The following TBC1D5 variants were observed in gnomAD, a reference collection of about 807,000 sequenced individuals.
TBC1D5 encodes the protein TBC1 domain family member 5.
In TBC1D5, 75 loss-of-function variants were observed where a neutral mutation model predicts 100.3. The observed-to-expected ratio is 0.75, with a 90% CI of 0.62 to 0.91. TBC1D5 has a LOEUF of 0.91. Among genes scored for constraint, TBC1D5 ranks in the 40% least tolerant of loss-of-function variants. The pLI is 0.00. For missense variants in TBC1D5, 910 were observed against 942.4 expected, an observed-to-expected ratio of 0.97 and a Z score of 0.45; for synonymous variants, 323 against 325.6, an observed-to-expected ratio of 0.99 and a Z score of 0.09.
intron 1 of TBC1D5, chr3:17,662,994 C>T (rs116045343): frequency 2.6e-5 from 4 of 152,068 alleles, no homozygotes; most frequent in African/African-American, 9.7e-5. Flanking sequence ...CTGTACCAGA[C>T]CAGTATCTTC....
chr3:17,531,826 AAATT>A (rs1256510270), intron 2 of TBC1D5, among the ~76,000 whole-genome samples: 1 of 152,230 alleles, frequency 6.6e-6, no homozygotes, highest in African/African-American at 2.4e-5. Flanking sequence ...CTTTATACAA[AAATT>A]AATTCAAGAT....
chr3:17,158,648 G>A (rs1430862399), exon 22 of TBC1D5: 1 of 152,216 alleles, frequency 6.6e-6, no homozygotes, highest in Non-Finnish European at 1.5e-5. Context: ...AGGACCGAGA[G>A]GACCTGCCTC....
intron 1 of TBC1D5, among the ~76,000 whole-genome samples, chr3:17,695,406 A>T (rs1204418994): frequency 6.6e-6 from 1 of 152,210 alleles, no homozygotes; most frequent in Non-Finnish European, 1.5e-5. Flanking sequence ...AGGAAGATCT[A>T]CCAAGCAAAT....
chr3:17,258,429 G>T (rs2077941071), intron 16 of TBC1D5, 77 bp downstream of exon 16: 2 of 1,371,908 alleles, frequency 1.5e-6, no homozygotes, highest in African/African-American at 1.5e-5. Context: ...ATTGTTTTCA[G>T]CAATATGTAA....
At chr3:17,640,474 A>G (rs2064387850) in intron 1 of TBC1D5, among the ~76,000 whole-genome samples, 2 of 152,132 alleles carry the variant, frequency 1.3e-5, no homozygotes, top group African/African-American at 2.4e-5. Flanking sequence ...TCCTCTTAAA[A>G]GAAGAATTAT....
chr3:17,663,277 C>T lies in TBC1D5; in HGVS notation c.-100-39364G>A, dbSNP rs1260115345. On this transcript the variant is annotated intron_variant, in intron 1 of 21. Transcript: ENST00000253692. ...TTTGATTACATAAAAATTTATATGA[C>T]CCAAAAATAAAACAAATCCAAACAA... 2.9e-5 allele frequency among the ~76,000 whole-genome samples: 3 copies of T among 103,570 alleles called. No individual in the cohort carries two copies. The East Asian group carries it at 1.5e-3, about 50-fold the overall frequency. The allele number at this position is 103,570 out of a possible 152,430, so 67.9% of individuals were successfully genotyped here.
At chr3:17,197,854 T>C (rs1357173089) in intron 18 of TBC1D5, among the ~76,000 whole-genome samples, 1 of 152,058 alleles carries the variant, frequency 6.6e-6, no homozygotes, top group Non-Finnish European at 1.5e-5. Context: ...CTGGGCAACA[T>C]GGTGAAACCC....
chr3:17,632,075 T>C lies in TBC1D5; in HGVS notation c.-100-8162A>G, dbSNP rs560882116. On this transcript the variant is annotated intron_variant, in intron 1 of 21. Coordinates refer to ENST00000253692, the Ensembl canonical transcript of TBC1D5. The stretch of plus-strand genomic sequence containing the variant: ...GTCAATTGAAACCTTCTGGAAAGGA[T>C]TCATCATTCTAAATCCCACAAAAAA... Among the ~76,000 whole-genome samples the C allele has an allele frequency of 2.0e-5, 3 of 152,344 alleles. No individual in the cohort carries two copies. The South Asian group carries it at 6.2e-4, about 32-fold the overall frequency.
intron 8 of TBC1D5, among the ~76,000 whole-genome samples, chr3:17,385,783 C>A (rs2093129043): frequency 6.6e-6 from 1 of 151,802 alleles, no homozygotes; most frequent in African/African-American, 2.4e-5. Context: ...GGTCGCTTCA[C>A]ATATTTGCAT....
At chr3:17,175,708 C>A (rs552295563) in intron 19 of TBC1D5, among the ~76,000 whole-genome samples, 102 of 152,330 alleles carry the variant, frequency 6.7e-4, no homozygotes, top group African/African-American at 2.5e-3. Flanking sequence ...CTTAAAATTA[C>A]ATCATTTAGT....
intron 17 of TBC1D5, among the ~76,000 whole-genome samples, chr3:17,223,303 A>G (rs1170908900): frequency 6.6e-6 from 1 of 152,178 alleles, no homozygotes; most frequent in African/African-American, 2.4e-5. Context: ...CCATCTCTAC[A>G]TACATATTTC....
intron 8 of TBC1D5, among the ~76,000 whole-genome samples, chr3:17,384,364 T>C (rs1383838036): frequency 2.0e-5 from 3 of 152,214 alleles, no homozygotes; most frequent in African/African-American, 7.2e-5. Flanking sequence ...AAGAATGTGA[T>C]TTTGTAAAAG....
chr3:17,339,667 T>A (rs1052427238), intron 13 of TBC1D5, among the ~76,000 whole-genome samples: 1 of 152,256 alleles, frequency 6.6e-6, no homozygotes, highest in Non-Finnish European at 1.5e-5. Context: ...AAAGGATATA[T>A]GTGTACATAT....
At chr3:17,386,237 A>G (rs2093148829) in intron 8 of TBC1D5, among the ~76,000 whole-genome samples, 1 of 152,080 alleles carries the variant, frequency 6.6e-6, no homozygotes, top group Non-Finnish European at 1.5e-5. Context: ...ACCTGACTTA[A>G]TAATTTTGCA....
At chr3:17,523,885 T>G (rs927406946) in intron 2 of TBC1D5, among the ~76,000 whole-genome samples, 2 of 152,130 alleles carry the variant, frequency 1.3e-5, no homozygotes, top group Admixed American at 6.5e-5. Context: ...AAGAGAAACA[T>G]AGTTTATCTG....
chr3:17,616,193 C>A (rs549811141), intron 2 of TBC1D5, among the ~76,000 whole-genome samples: 1 of 152,106 alleles, frequency 6.6e-6, no homozygotes, highest in South Asian at 2.1e-4. Context: ...TGTAGTTGTG[C>A]GGTTTTGAGT....
intron 3 of TBC1D5, among the ~76,000 whole-genome samples, chr3:17,477,940 T>G (rs2095457592): frequency 6.6e-6 from 1 of 152,106 alleles, no homozygotes; most frequent in Admixed American, 6.5e-5. Context: ...TGTATTGTCT[T>G]TTTAACCAGT....
chr3:17,183,543 T>C (rs1020372509), intron 19 of TBC1D5, among the ~76,000 whole-genome samples: 7 of 152,322 alleles, frequency 4.6e-5, no homozygotes, highest in Admixed American at 2.6e-4. Flanking sequence ...CTTGCTGTGA[T>C]GAGAGATACT....
At chr3:17,572,179 T>A (rs2096631404) in intron 2 of TBC1D5, among the ~76,000 whole-genome samples, 1 of 151,768 alleles carries the variant, frequency 6.6e-6, no homozygotes, top group African/African-American at 2.4e-5. Flanking sequence ...TCTCTCTCTC[T>A]CACCCTCCTA....
Sources: allele counts gnomAD v4.1 joint callset (sites outside exome capture counted in the v4.1 genomes callset), GRCh38; gene constraint gnomAD v4.1.1; transcripts MANE v1.5; gene names NCBI Gene and HGNC (gene_info 2026-07-23, HGNC 2026-07-21).